Variants in PWWP3A observed in about 807,000 individuals in gnomAD.
PWWP3A encodes PWWP domain-containing DNA repair factor 3A.
PWWP3A carries 53 observed loss-of-function variants against 79.0 expected under a neutral mutation model. The ratio of observed to expected loss-of-function variants is 0.67; its 90% CI spans 0.54 to 0.84. The LOEUF is 0.84. Ranked by LOEUF, PWWP3A falls within the 40% of genes least tolerant of loss-of-function variation. The probability of loss-of-function intolerance (pLI) is 0.00; values close to 1 mark genes in which losing one functional copy is unlikely to be tolerated. For missense variants in PWWP3A, 973 were observed against 948.0 expected, an observed-to-expected ratio of 1.03 and a Z score of -0.35; for synonymous variants, 443 against 394.4, an observed-to-expected ratio of 1.12 and a Z score of -1.46.
chr19:1,370,866 A>C lies in PWWP3A; in HGVS notation c.1774A>C (p.Ile592Leu), dbSNP rs759173738. 1 of 1,560,464 alleles carries C rather than the reference A, an allele frequency of 6.4e-7. No homozygotes were observed. Among genetic ancestry groups the C allele is most frequent in the South Asian group, 1.2e-5 (1 of 84,766 alleles). ...GGGCGCGGAGAGCCACCTGCGGGCC[A>C]TCCTAAAGAGCAGGAAGCCATCTCG... ...AKGAESHLRA[I>L]LKSRKPSRWL... The change falls in exon 12 of 14, where the codon ATC becomes CTC. Residue 592 changes from isoleucine (I) to leucine (L), a missense_variant. Coordinates refer to ENST00000591337, the MANE Select transcript of PWWP3A (RefSeq NM_001369789.1).
chr19:1,358,465 G>T lies in PWWP3A; in HGVS notation c.214+1G>T. 6.2e-7 allele frequency: 1 copy of T among 1,613,888 alleles called. No individual in the cohort carries two copies. Among genetic ancestry groups the T allele is most frequent in the Non-Finnish European group, 8.5e-7 (1 of 1,179,870 alleles). On this transcript the variant is annotated splice_donor_variant, in intron 4 of 13. Coordinates refer to ENST00000591337, the MANE Select transcript of PWWP3A (RefSeq NM_001369789.1). LOFTEE classifies it high-confidence loss of function. ...ATTGAAGCCATTGCTTCCTCGTTAG[G>T]TAAGAGCGTATTTTTAAGTGGCCAC...
At chr19:1,362,404 C>T (rs1047551589) in intron 6 of PWWP3A, 53 bp downstream of exon 6, 34 of 1,440,618 alleles carry the variant, frequency 2.4e-5, no homozygotes, top group Non-Finnish European at 2.7e-5. Context: ...TCAGAGGCAG[C>T]GGCGGCGGGG....
At chr19:1,363,507 C>T (rs1335658884) in intron 6 of PWWP3A, among the ~76,000 whole-genome samples, 1 of 152,206 alleles carries the variant, frequency 6.6e-6, no homozygotes, top group Non-Finnish European at 1.5e-5. Context: ...GCACAGTGCC[C>T]TCGGGAAGGG....
Position 1,375,967 on chromosome 19 carries a change from G to A in PWWP3A, c.2076-552G>A, listed in dbSNP as rs191515933. Among the ~76,000 whole-genome samples the A allele has an allele frequency of 3.2e-3, 487 of 150,706 alleles. 3 individuals are homozygous for A. The highest frequency in any genetic ancestry group is 0.011 in the African/African-American group (464 of 41,052). On this transcript the variant is annotated intron_variant, in intron 13 of 13. Transcript: ENST00000591337. The stretch of plus-strand genomic sequence containing the variant: ...TAGGATTGCAGGTGCCCACTACCAC[G>A]CCTGGCTAATTTTTGTTATTTTTAG...
Position 1,357,053 on chromosome 19 carries a change from G to A in PWWP3A, c.102G>A (p.Lys34=), listed in dbSNP as rs774355674. 19 of 1,613,162 alleles carry A rather than the reference G, an allele frequency of 1.2e-5. No individual in the cohort carries two copies. The highest frequency in any genetic ancestry group is 1.6e-5 in the Non-Finnish European group (19 of 1,179,830). The change falls in exon 3 of 14, where the codon AAG becomes AAA. Residue 34 remains lysine, a synonymous_variant. Transcript: ENST00000591337. ...TATSTKNKRR[K]EYFLAVQILS... is the part of the protein sequence containing the mutation. The stretch of plus-strand genomic sequence containing the variant: ...CTTCAACAAAAAATAAGAGAAGAAA[G>A]GAATATTTTCTAGCTGTGCAAATCC...
intron 13 of PWWP3A, chr19:1,373,375 C>T (rs969400441): frequency 1.2e-5 from 7 of 585,232 alleles, no homozygotes; most frequent in African/African-American, 7.5e-5. Context: ...CCCAGCTGGT[C>T]GCTGTGGGCA....
At chr19:1,370,360 C>T (rs1173760714) in intron 11 of PWWP3A, among the ~76,000 whole-genome samples, 1 of 152,180 alleles carries the variant, frequency 6.6e-6, no homozygotes, top group Non-Finnish European at 1.5e-5. Context: ...GTGGACGTGG[C>T]TGAATTGATT....
chr19:1,375,755 T>C (rs1381163276), intron 13 of PWWP3A, among the ~76,000 whole-genome samples: 1 of 142,056 alleles, frequency 7.0e-6, no homozygotes, highest in Non-Finnish European at 1.5e-5. Flanking sequence ...AAATATATAA[T>C]TTTATATATC....
At chr19:1,370,533 G>C in intron 11 of PWWP3A, 109 bp from the exon 12 acceptor site, 1 of 994,012 alleles carries the variant, frequency 1.0e-6, no homozygotes, top group Non-Finnish European at 1.4e-6. Flanking sequence ...TCGATCGCTA[G>C]GGTCTGCCCC....
At chr19:1,365,270 G>C (rs541812974) in intron 7 of PWWP3A, among the ~76,000 whole-genome samples, 4 of 152,390 alleles carry the variant, frequency 2.6e-5, no homozygotes, top group Admixed American at 6.5e-5. Flanking sequence ...CAAGTTCCCG[G>C]TGTGGGTGAT....
rs1190054554 is a variant in PWWP3A at position 1,360,851 on chromosome 19, G to A, written c.930G>A (p.Arg310=). The A allele has an allele frequency of 1.3e-5, 20 of 1,548,104 alleles. No individual in the cohort carries two copies. Among genetic ancestry groups the A allele is most frequent in the Non-Finnish European group, 1.7e-5 (20 of 1,147,828 alleles). The change falls in exon 5 of 14, where the codon AGG becomes AGA. Residue 310 remains arginine (R), a synonymous_variant. Coordinates refer to ENST00000591337, the MANE Select transcript of PWWP3A (RefSeq NM_001369789.1). The surrounding 1 kb of genome is among the most constrained non-coding windows in gnomAD (Gnocchi z 4.4). ...KKRPRLDGSQ[R]PPAVQLEPMA... ...GGCCGCGCCTGGATGGCAGCCAAAG[G>A]CCGCCTGCCGTGCAGCTGGAGCCCA... is the stretch of plus-strand genomic sequence containing the variant.
At chr19:1,356,470 A>C (rs2081869781) in intron 2 of PWWP3A, 21 bp downstream of exon 2, 1 of 1,612,148 alleles carries the variant, frequency 6.2e-7, no homozygotes, top group East Asian at 2.2e-5. Flanking sequence ...TTATTCTGTA[A>C]CTTCAGGACT....
chr19:1,356,594 A>G (rs1008100524), intron 2 of PWWP3A, 145 bp downstream of exon 2: 2 of 733,522 alleles, frequency 2.7e-6, no homozygotes, highest in East Asian at 5.5e-5. Flanking sequence ...TCCCCATTTA[A>G]TGGGGTTTTG....
chr19:1,366,897 G>T (rs754134711), intron 8 of PWWP3A, among the ~76,000 whole-genome samples: 1 of 152,234 alleles, frequency 6.6e-6, no homozygotes, highest in African/African-American at 2.4e-5. Context: ...CTGCCCCCGA[G>T]GGGTGGGAGG....
At chr19:1,357,689 G>C (rs2081910137) in intron 3 of PWWP3A, 1 of 151,826 alleles carries the variant, frequency 6.6e-6, no homozygotes, top group Non-Finnish European at 1.5e-5. Flanking sequence ...AGTCCTGCGT[G>C]ATTGTGGCGA....
rs541032526 is a variant in PWWP3A, at chr19:1,368,455, A to T, written c.1423-810A>T. On this transcript the variant is annotated intron_variant, in intron 9 of 13. Coordinates refer to ENST00000591337, the MANE Select transcript of PWWP3A (RefSeq NM_001369789.1). The surrounding 1 kb of genome is among the most constrained non-coding windows in gnomAD (Gnocchi z 4.7). ...TGGTAGTCACCGTGGCTTCTGAGGG[A>T]TGATATTGGGGAAGCCGTGCTTTAG... is the stretch of plus-strand genomic sequence containing the variant. 6.6e-6 allele frequency among the ~76,000 whole-genome samples: 1 copy of T among 152,108 alleles called. No individual in the cohort carries two copies. The highest frequency in any genetic ancestry group is 2.1e-4 in the South Asian group (1 of 4,818).
chr19:1,357,328 G>C, intron 3 of PWWP3A: 1 of 444,246 alleles, frequency 2.3e-6, no homozygotes. Context: ...TGGAGAGATT[G>C]GTACAAACAC....
intron 1 of PWWP3A, among the ~76,000 whole-genome samples, chr19:1,355,672 C>T (rs973525863): frequency 1.3e-5 from 2 of 151,114 alleles, no homozygotes; most frequent in African/African-American, 4.9e-5. Flanking sequence ...GCTGCCTGGA[C>T]CCCTACTTCT....
intron 5 of PWWP3A, 62 bp downstream of exon 5, chr19:1,361,094 A>T (rs2082005357): frequency 7.4e-7 from 1 of 1,349,910 alleles, no homozygotes; most frequent in South Asian, 2.1e-5. Context: ...CCGCAGCCAG[A>T]CTGGGAGCCA....
Sources: gnomAD v4.1 joint callset for allele counts (sites outside exome capture counted in the v4.1 genomes callset) on GRCh38, gnomAD v4.1.1 for gene constraint, Gnocchi (gnomAD v3.1) non-coding constraint, MANE v1.5 for transcripts, NCBI Gene and HGNC (gene_info 2026-07-23, HGNC 2026-07-21) for gene names.